LCORL: variants seen among roughly 807,000 people sequenced by gnomAD.
The protein encoded by LCORL is ligand-dependent nuclear receptor corepressor-like protein.
Under a neutral mutation model 141.8 loss-of-function variants are expected in LCORL, and 41 were observed. The ratio of observed to expected loss-of-function variants is 0.29; its 90% CI spans 0.23 to 0.38. The LOEUF is 0.38. Among genes scored for constraint, LCORL ranks in the 10% least tolerant of loss-of-function variants. The probability of loss-of-function intolerance (pLI) is 1.00; values close to 1 mark genes in which losing one functional copy is unlikely to be tolerated. For missense variants in LCORL, 1,759 were observed against 2,035.0 expected (o/e 0.86, Z 2.61); for synonymous variants, 618 against 694.1 (o/e 0.89, Z 1.72).
chr4:17,906,539 G>A (rs1329504168), intron 5 of LCORL, among the ~76,000 whole-genome samples: 1 of 151,894 alleles, frequency 6.6e-6, no homozygotes, highest in Admixed American at 6.6e-5. Flanking sequence ...TCCAAACTCA[G>A]GATTTTCACA....
intron 1 of LCORL, among the ~76,000 whole-genome samples, chr4:17,977,805 T>G (rs1487816220): frequency 1.3e-5 from 2 of 152,174 alleles, no homozygotes; most frequent in Non-Finnish European, 2.9e-5. Flanking sequence ...TTTACAGTGG[T>G]TTTTCTGCTC....
intron 7 of LCORL, among the ~76,000 whole-genome samples, chr4:17,861,413 G>C (rs1354693227): frequency 6.6e-6 from 1 of 152,164 alleles, no homozygotes; most frequent in East Asian, 1.9e-4. Context: ...AGCTGGAGTG[G>C]CTGGGACACA....
At chr4:17,845,803 A>G (rs146159778) in exon 8 of LCORL, 18 of 1,613,510 alleles carry the variant, frequency 1.1e-5, no homozygotes, top group Non-Finnish European at 1.4e-5. Context: ...ATTCCATTCA[A>G]TGGGACGATT....
intron 7 of LCORL, among the ~76,000 whole-genome samples, chr4:17,858,067 T>C (rs1311924189): frequency 6.6e-6 from 1 of 152,118 alleles, no homozygotes; most frequent in Non-Finnish European, 1.5e-5. Context: ...GATTGTGAAA[T>C]TGGTACATGA....
At chr4:17,857,640 T>C (rs899127888) in intron 7 of LCORL, among the ~76,000 whole-genome samples, 6 of 152,132 alleles carry the variant, frequency 3.9e-5, no homozygotes, top group East Asian at 3.9e-4. Context: ...ATTCTTTGTT[T>C]TGGGGGGCTG....
intron 7 of LCORL, among the ~76,000 whole-genome samples, chr4:17,850,188 A>G (rs1179354037): frequency 2.1e-5 from 3 of 142,102 alleles, no homozygotes; most frequent in African/African-American, 8.0e-5. Flanking sequence ...CTAGAAGAAA[A>G]CCTAGGCATT....
chr4:17,921,735 G>A (rs1351780483), intron 4 of LCORL, among the ~76,000 whole-genome samples: 1 of 152,134 alleles, frequency 6.6e-6, no homozygotes, highest in East Asian at 1.9e-4. Flanking sequence ...TTGCAAAGGA[G>A]ATTAACATTT....
chr4:17,985,720 GCTA>G (rs1179061577), intron 1 of LCORL, among the ~76,000 whole-genome samples: 1 of 152,072 alleles, frequency 6.6e-6, no homozygotes, highest in Non-Finnish European at 1.5e-5. Flanking sequence ...TATCCAGATT[GCTA>G]CTCTCTACTT....
chr4:18,005,925 T>A (rs1234020947), intron 1 of LCORL, among the ~76,000 whole-genome samples: 1 of 152,198 alleles, frequency 6.6e-6, no homozygotes, highest in South Asian at 2.1e-4. Context: ...GTCTTGGGGA[T>A]TAACATTCGG....
chr4:17,841,892 AGTT>A (rs2109072204), exon 8 of LCORL: 1 of 155,460 alleles, frequency 6.4e-6, no homozygotes, highest in African/African-American at 2.4e-5. Flanking sequence ...GAAAAAAAAA[AGTT>A]GTTTCTTTAG....
chr4:17,983,219 G>T (rs35338009), intron 1 of LCORL, among the ~76,000 whole-genome samples: 35,790 of 151,946 alleles, frequency 0.24, 5,348 homozygotes, highest in African/African-American at 0.42. Context: ...GCTTTGTTCT[G>T]TTTGCTTAGG....
chr4:18,021,658 C>A lies in LCORL; in HGVS notation c.94G>T (p.Glu32Ter). Residue 32 changes from glutamate (E) to a stop codon, truncating the protein, a stop_gained, in exon 1 of 8, where the codon GAG (glutamate) becomes TAG (stop). Coordinates refer to ENST00000635767, the Ensembl canonical transcript of LCORL. LOFTEE classifies it high-confidence loss of function. This position sits in a 1 kb window ranked among gnomAD's most constrained non-coding sequence, Gnocchi z 5.5. ...AGTTCCCGCCGGAATCCTCTTCTCT[C>A]CGCCGCGCACCGAGGGCTCCGGCAC... 6.5e-7 allele frequency: 1 copy of A among 1,545,766 alleles called. No homozygotes were observed.
At chr4:17,965,855 TTAA>T (rs1341919797) in intron 2 of LCORL, among the ~76,000 whole-genome samples, 1 of 152,150 alleles carries the variant, frequency 6.6e-6, no homozygotes, top group East Asian at 1.9e-4. Flanking sequence ...AACCTCATTA[TTAA>T]TAAATAATTT....
intron 7 of LCORL, among the ~76,000 whole-genome samples, chr4:17,860,608 C>T (rs1219832022): frequency 6.6e-6 from 1 of 152,154 alleles, no homozygotes; most frequent in African/African-American, 2.4e-5. Context: ...CATTTCAAAA[C>T]CAATCATGCC....
intron 7 of LCORL, among the ~76,000 whole-genome samples, chr4:17,855,863 G>A (rs1450638892): frequency 2.6e-5 from 4 of 152,204 alleles, no homozygotes; most frequent in African/African-American, 4.8e-5. Flanking sequence ...GCTAATAAAT[G>A]TTGGGGTAGT....
chr4:18,004,626 C>CACATATATTATTATATTATATGAAAAT (rs1722492441), intron 1 of LCORL, among the ~76,000 whole-genome samples: 1 of 152,122 alleles, frequency 6.6e-6, no homozygotes, highest in African/African-American at 2.4e-5. Flanking sequence ...CAAACCATAT[C>CACATATATTATTATATTATATGAAAAT]ATTCCACCCT....
chr4:17,956,661 G>A (rs1490962683), intron 4 of LCORL, among the ~76,000 whole-genome samples: 2 of 151,992 alleles, frequency 1.3e-5, no homozygotes, highest in African/African-American at 4.8e-5. Context: ...AAGGGTGGGA[G>A]GGGATGAAAA....
intron 3 of LCORL, among the ~76,000 whole-genome samples, chr4:17,962,389 T>C (rs768331821): frequency 5.9e-5 from 9 of 152,052 alleles, no homozygotes; most frequent in Non-Finnish European, 1.0e-4. Context: ...CCAAAATTGG[T>C]ACAGGTTCTC....
At chr4:17,874,326 T>G in exon 7 of LCORL, 1 of 1,233,974 alleles carries the variant, frequency 8.1e-7, no homozygotes, top group Non-Finnish European at 1.0e-6. Flanking sequence ...TTTTTTAAAG[T>G]GCTTTCTGAA....
Sources: gnomAD v4.1 joint callset for allele counts (sites outside exome capture counted in the v4.1 genomes callset) on GRCh38, gnomAD v4.1.1 for gene constraint, Gnocchi (gnomAD v3.1) non-coding constraint, MANE v1.5 for transcripts, NCBI Gene and HGNC (gene_info 2026-07-23, HGNC 2026-07-21) for gene names.